Variants in ARHGAP15 observed in about 807,000 individuals in gnomAD.
ARHGAP15 encodes the protein Rho GTPase activating protein 15.
Under a neutral mutation model 63.7 loss-of-function variants are expected in ARHGAP15, and 51 were observed. That is an observed-to-expected ratio of 0.80 (90% confidence interval 0.64 to 1.01). The LOEUF is 1.01. ARHGAP15 is among the 50% of genes least tolerant of loss of function. ARHGAP15 has a pLI of 0.00. For synonymous variants in ARHGAP15, 191 were observed against 193.8 expected, an observed-to-expected ratio of 0.99 and a Z score of 0.12; for missense variants, 560 against 564.6, an observed-to-expected ratio of 0.99 and a Z score of 0.08.
intron 11 of ARHGAP15, chr2:143,607,982 G>T (rs146612258): frequency 6.6e-6 from 1 of 152,120 alleles, no homozygotes; most frequent in Non-Finnish European, 1.5e-5. Flanking sequence ...TGACATAGAG[G>T]CACCTTGTTT....
chr2:143,333,624 T>C (rs12691672), intron 6 of ARHGAP15, among the ~76,000 whole-genome samples: 149,825 of 152,286 alleles, frequency 0.98, 73,759 homozygotes, highest in Middle Eastern at 1. Flanking sequence ...CATTTTTATC[T>C]GCCTCCTGCA....
At position 143,746,995 on chromosome 2, in the gene ARHGAP15, T is replaced by C. The variant is rs143812095; in HGVS notation, c.1245-20994T>C. On this transcript the variant is annotated intron_variant, in intron 13 of 13. Transcript: ENST00000295095. ...TGAATGGATGCTATCTGCTTTATCATCTTTTAACTTTTTTTTTGTTAATAG... is the reference window on the plus strand; with the variant it reads ...TGAATGGATGCTATCTGCTTTATCACCTTTTAACTTTTTTTTTGTTAATAG... Among the ~76,000 whole-genome samples, 1,142 of 152,188 alleles carry C rather than the reference T, an allele frequency of 7.5e-3. 9 individuals are homozygous for C. The highest frequency in any genetic ancestry group is 0.026 in the African/African-American group (1,071 of 41,462).
chr2:143,752,643 A>G (rs1686424100), intron 13 of ARHGAP15, among the ~76,000 whole-genome samples: 2 of 152,292 alleles, frequency 1.3e-5, no homozygotes, highest in South Asian at 4.2e-4. Context: ...CCCCTGAAAC[A>G]GAGTTTGGCA....
intron 9 of ARHGAP15, among the ~76,000 whole-genome samples, chr2:143,518,094 G>T (rs1035197641): frequency 1.6e-4 from 25 of 152,104 alleles, no homozygotes; most frequent in African/African-American, 6.0e-4. Flanking sequence ...AGAAATTGAT[G>T]GTGGTGAGGG....
At chr2:143,227,318 T>A (rs7606846) in intron 4 of ARHGAP15, among the ~76,000 whole-genome samples, 19,374 of 152,154 alleles carry the variant, frequency 0.13, 1,382 homozygotes, top group Middle Eastern at 0.24. Context: ...CAAGACTTTT[T>A]TTCCAGGCCA....
intron 8 of ARHGAP15, among the ~76,000 whole-genome samples, chr2:143,485,528 C>T (rs1446414677): frequency 2.0e-5 from 3 of 152,092 alleles, no homozygotes; most frequent in Non-Finnish European, 2.9e-5. Context: ...AGACCTTCCA[C>T]CGATAAATGA....
intron 2 of ARHGAP15, among the ~76,000 whole-genome samples, chr2:143,175,643 A>T (rs545509227): frequency 2.1e-4 from 32 of 152,324 alleles, no homozygotes; most frequent in South Asian, 4.1e-4. Flanking sequence ...TCTCAGCCAC[A>T]GATCTTGGGG....
intron 6 of ARHGAP15, among the ~76,000 whole-genome samples, chr2:143,319,884 A>T (rs1305747571): frequency 6.6e-6 from 1 of 152,250 alleles, no homozygotes; most frequent in Non-Finnish European, 1.5e-5. Context: ...TGTCAGAAAC[A>T]TTCTACATAG....
chr2:143,660,087 A>T (rs1681675082), intron 12 of ARHGAP15, among the ~76,000 whole-genome samples: 1 of 152,208 alleles, frequency 6.6e-6, no homozygotes, highest in Admixed American at 6.5e-5. Flanking sequence ...GCCATGTGAC[A>T]AGAATAATTG....
At chr2:143,432,613 C>T (rs914610060) in intron 6 of ARHGAP15, among the ~76,000 whole-genome samples, 6 of 152,060 alleles carry the variant, frequency 3.9e-5, no homozygotes, top group African/African-American at 9.7e-5. Context: ...AATGTGCCCA[C>T]TCTGCATGTT....
At chr2:143,199,866 T>C (rs1558809253) in intron 2 of ARHGAP15, among the ~76,000 whole-genome samples, 2 of 152,018 alleles carry the variant, frequency 1.3e-5, no homozygotes, top group South Asian at 4.1e-4. Context: ...TCTCTGGTGA[T>C]AAACAGCTCT....
intron 6 of ARHGAP15, among the ~76,000 whole-genome samples, chr2:143,329,059 A>G (rs1245566941): frequency 2.6e-5 from 4 of 152,228 alleles, no homozygotes; most frequent in African/African-American, 9.6e-5. Context: ...TGATTTCTCA[A>G]TGATACAACC....
chr2:143,325,804 CT>C (rs1209393568), intron 6 of ARHGAP15, among the ~76,000 whole-genome samples: 2 of 152,062 alleles, frequency 1.3e-5, no homozygotes, highest in Non-Finnish European at 2.9e-5. Context: ...TATTTAAATA[CT>C]TGATTTCCAT....
intron 4 of ARHGAP15, among the ~76,000 whole-genome samples, chr2:143,225,062 G>A (rs1051417756): frequency 1.3e-5 from 2 of 152,166 alleles, no homozygotes; most frequent in Non-Finnish European, 2.9e-5. Context: ...TGGCTTCACC[G>A]GTGTGCGTCC....
chr2:143,573,923 T>C (rs767767191), intron 11 of ARHGAP15, among the ~76,000 whole-genome samples: 18 of 152,182 alleles, frequency 1.2e-4, no homozygotes, highest in African/African-American at 1.7e-4. Flanking sequence ...TTATATTTTA[T>C]GTCTAATAAA....
At chr2:143,202,269 C>T in intron 3 of ARHGAP15, 67 bp downstream of exon 3, 2 of 1,238,760 alleles carry the variant, frequency 1.6e-6, no homozygotes, top group Non-Finnish European at 2.4e-6. Context: ...AACTCAGCAA[C>T]TTAGAACAGC....
At chr2:143,142,460 C>A (rs111634855) in intron 1 of ARHGAP15, among the ~76,000 whole-genome samples, 2 of 152,156 alleles carry the variant, frequency 1.3e-5, no homozygotes, top group African/African-American at 4.8e-5. Flanking sequence ...AAAGAACAAA[C>A]TTTCTTCTGC....
intron 10 of ARHGAP15, among the ~76,000 whole-genome samples, chr2:143,546,693 A>G (rs1185203868): frequency 6.6e-6 from 1 of 152,144 alleles, no homozygotes; most frequent in African/African-American, 2.4e-5. Context: ...AATGAAACAC[A>G]CTAAGCAAGT....
chr2:143,500,898 A>T (rs995063775), intron 9 of ARHGAP15, among the ~76,000 whole-genome samples: 7 of 152,216 alleles, frequency 4.6e-5, no homozygotes, highest in African/African-American at 1.7e-4. Context: ...ATGATTTTTT[A>T]AAATCTATCC....
Sources: allele counts gnomAD v4.1 joint callset (sites outside exome capture counted in the v4.1 genomes callset), GRCh38; gene constraint gnomAD v4.1.1; transcripts MANE v1.5; gene names NCBI Gene and HGNC (gene_info 2026-07-23, HGNC 2026-07-21).